The following ERI3 variants were observed in gnomAD, a reference collection of about 807,000 sequenced individuals.
The protein encoded by ERI3 is ERI1 exoribonuclease 3.
ERI3 carries 18 observed loss-of-function variants against 44.4 expected under a neutral mutation model. The ratio of observed to expected loss-of-function variants is 0.41; its 90% CI spans 0.28 to 0.60. ERI3 has a LOEUF of 0.60. Ranked by LOEUF, ERI3 falls within the 20% of genes least tolerant of loss-of-function variation. ERI3 has a pLI of 0.36. For missense variants in ERI3, 294 were observed against 435.5 expected (o/e 0.68, Z 2.89); for synonymous variants, 183 against 164.8 (o/e 1.11, Z -0.84).
chr1:44,322,847 G>T, intron 3 of ERI3: 1 of 1,548,120 alleles, frequency 6.5e-7, no homozygotes, highest in Non-Finnish European at 8.7e-7. Flanking sequence ...TGCAGCCAGG[G>T]CACCTGAAGC....
At position 44,247,641 on chromosome 1, in the gene ERI3, T is replaced by C. The variant is rs114312909; in HGVS notation, c.931+298A>G. ...GACATGTCCCCACCCACTGAGGACA[T>C]TGCCCACTAGAGATGCAGCCAGTGA... On this transcript the variant is annotated intron_variant, in intron 8 of 8. Transcript: ENST00000372257. Among the ~76,000 whole-genome samples the C allele has an allele frequency of 3.9e-3, 601 of 152,246 alleles. 4 individuals carry two copies. The highest frequency in any genetic ancestry group is 0.014 in the African/African-American group (566 of 41,538).
At chr1:44,273,685 A>T (rs1038046458) in intron 7 of ERI3, among the ~76,000 whole-genome samples, 4 of 152,244 alleles carry the variant, frequency 2.6e-5, no homozygotes, top group Admixed American at 2.0e-4. Context: ...GATACACTCA[A>T]TACAAAGTTC....
intron 7 of ERI3, among the ~76,000 whole-genome samples, chr1:44,258,944 C>T (rs1189546138): frequency 1.3e-5 from 2 of 152,194 alleles, no homozygotes; most frequent in African/African-American, 4.8e-5. Flanking sequence ...GTGCACCCAA[C>T]ATCCTGGCTC....
intron 7 of ERI3, among the ~76,000 whole-genome samples, chr1:44,274,177 C>G (rs890778242): frequency 6.6e-6 from 1 of 152,186 alleles, no homozygotes; most frequent in Non-Finnish European, 1.5e-5. Context: ...CCAGCCCTGG[C>G]CCTGCTGCAG....
intron 4 of ERI3, among the ~76,000 whole-genome samples, chr1:44,319,241 C>A (rs1572268723): frequency 2.0e-5 from 3 of 152,378 alleles, no homozygotes; most frequent in African/African-American, 7.2e-5. Context: ...AGTAACAATG[C>A]CAGAAAGCTA....
chr1:44,353,598 C>A, intron 1 of ERI3: 1 of 985,396 alleles, frequency 1.0e-6, no homozygotes, highest in Non-Finnish European at 1.2e-6. Flanking sequence ...TACTCAGATC[C>A]CCTGGGAAAA....
At chr1:44,307,588 C>A (rs1645866171) in intron 6 of ERI3, among the ~76,000 whole-genome samples, 1 of 152,172 alleles carries the variant, frequency 6.6e-6, no homozygotes, top group South Asian at 2.1e-4. Flanking sequence ...TGAGGGCAGA[C>A]AAGATGCACA....
intron 8 of ERI3, chr1:44,242,224 G>T: frequency 1.1e-6 from 1 of 900,478 alleles, no homozygotes; most frequent in Non-Finnish European, 1.3e-6. Flanking sequence ...CCACAAGGCA[G>T]CTGGGCTGAC....
At chr1:44,237,122 G>C (rs1026664049) in intron 8 of ERI3, among the ~76,000 whole-genome samples, 2 of 152,080 alleles carry the variant, frequency 1.3e-5, no homozygotes, top group African/African-American at 4.8e-5. Context: ...CATCCTGAAG[G>C]CTTAGGTGCT....
chr1:44,275,275 A>C (rs1366237693), intron 7 of ERI3, among the ~76,000 whole-genome samples: 2 of 151,836 alleles, frequency 1.3e-5, no homozygotes, highest in Non-Finnish European at 2.9e-5. Context: ...CTTAATCCCC[A>C]CAGCCCCCAA....
At chr1:44,296,398 C>A (rs1205561840) in intron 6 of ERI3, among the ~76,000 whole-genome samples, 1 of 152,188 alleles carries the variant, frequency 6.6e-6, no homozygotes, top group African/African-American at 2.4e-5. Flanking sequence ...CCACCCCACG[C>A]GCTGCCTCCA....
At chr1:44,276,566 A>T (rs778964651) in intron 7 of ERI3, among the ~76,000 whole-genome samples, 1 of 152,160 alleles carries the variant, frequency 6.6e-6, no homozygotes, top group Non-Finnish European at 1.5e-5. Context: ...GAATCTGCCA[A>T]CACCTAGAAC....
In ERI3 at chr1:44,222,860, G is replaced by A. The variant is rs868770488; in HGVS notation, c.932-1220C>T. Among the ~76,000 whole-genome samples, 3 of 152,202 alleles carry A rather than the reference G, an allele frequency of 2.0e-5. No individual in the cohort carries two copies. In the East Asian group the frequency reaches 5.8e-4, roughly 29 times the overall value. On this transcript the variant is annotated intron_variant, in intron 8 of 8. Transcript: ENST00000372257. Reference sequence around the variant, plus strand: ...CAATGTCATAATCAAGTGTGGGGGGGTATTAAGGTCAAGGTGGGGTCAGGA... The same window carrying A: ...CAATGTCATAATCAAGTGTGGGGGGATATTAAGGTCAAGGTGGGGTCAGGA...
At chr1:44,268,630 G>A (rs559721831) in intron 7 of ERI3, among the ~76,000 whole-genome samples, 1 of 152,266 alleles carries the variant, frequency 6.6e-6, no homozygotes, top group African/African-American at 2.4e-5. Context: ...TTCCTCCAAG[G>A]CAGGTGACAG....
At chr1:44,328,128 C>T (rs1225047770) in intron 3 of ERI3, among the ~76,000 whole-genome samples, 1 of 152,178 alleles carries the variant, frequency 6.6e-6, no homozygotes, top group East Asian at 1.9e-4. Context: ...CAAATGATGG[C>T]CAGCAGCCAG....
intron 3 of ERI3, among the ~76,000 whole-genome samples, chr1:44,321,767 T>G (rs1487175113): frequency 1.3e-5 from 2 of 152,206 alleles, no homozygotes; most frequent in Non-Finnish European, 2.9e-5. Context: ...ACTAACAATG[T>G]TAGCTGGGCC....
At chr1:44,312,956 G>A (rs1269575901) in intron 5 of ERI3, among the ~76,000 whole-genome samples, 1 of 152,246 alleles carries the variant, frequency 6.6e-6, no homozygotes, top group African/African-American at 2.4e-5. Flanking sequence ...TGGCAGCACT[G>A]GGACATCTTG....
chr1:44,308,175 T>C (rs1645879709), intron 6 of ERI3, 135 bp downstream of exon 6: 3 of 709,166 alleles, frequency 4.2e-6, no homozygotes, highest in South Asian at 1.7e-5. Context: ...CCCAACCGTC[T>C]TCTATCCCTG....
intron 6 of ERI3, among the ~76,000 whole-genome samples, chr1:44,288,719 G>C (rs2154323767): frequency 6.6e-6 from 1 of 152,306 alleles, no homozygotes; most frequent in Non-Finnish European, 1.5e-5. Context: ...CCCTGGGAAG[G>C]CAAAGCCTGG....
Sources: allele counts gnomAD v4.1 joint callset (sites outside exome capture counted in the v4.1 genomes callset), GRCh38; gene constraint gnomAD v4.1.1; transcripts MANE v1.5; gene names NCBI Gene and HGNC (gene_info 2026-07-23, HGNC 2026-07-21).